Variants in SYNGR2 observed in about 807,000 individuals in gnomAD.
SYNGR2 encodes the protein synaptogyrin 2, also known as synaptogyrin-2.
In SYNGR2, 11 loss-of-function variants were observed where a neutral mutation model predicts 18.7. The ratio of observed to expected loss-of-function variants is 0.59; its 90% confidence interval spans 0.37 to 0.97. The LOEUF (loss-of-function observed/expected upper bound fraction) is 0.97. SYNGR2 is among the 50% of genes least tolerant of loss of function. SYNGR2 has a pLI of 0.01. For synonymous variants in SYNGR2, 127 were observed against 131.0 expected, an observed-to-expected ratio of 0.97 and a Z score of 0.21; for missense variants, 253 against 300.7, an observed-to-expected ratio of 0.84 and a Z score of 1.17.
rs536332596 is a variant in SYNGR2, at chr17:78,172,214, G to A, written c.*278G>A. The stretch of plus-strand genomic sequence containing the variant: ...CCTCGCTTTTAATGACCTCAGCCCC[G>A]CCTGCAGTGGCTAGAAGCCAGCAGG... On this transcript the variant is annotated 3_prime_UTR_variant, in exon 4 of 4. Transcript: ENST00000225777. 5.8e-5 allele frequency: 39 copies of A among 669,374 alleles called. No individual in the cohort carries two copies. Among genetic ancestry groups the A allele is most frequent in the African/African-American group, 4.7e-4 (26 of 55,422 alleles). The allele number at this position is 669,374 out of a possible 1,614,324, so 41.5% of individuals were successfully genotyped here. A position where few individuals can be genotyped will look rare whatever the true frequency, so the allele number is the denominator to read the frequency against.
At chr17:78,169,424 C>G (rs2075643733) in intron 1 of SYNGR2, among the ~76,000 whole-genome samples, 1 of 152,174 alleles carries the variant, frequency 6.6e-6, no homozygotes, top group African/African-American at 2.4e-5. Flanking sequence ...AGCTCCCAGC[C>G]AGGCTGTGGG....
At chr17:78,170,528 A>G (rs1567826641) in intron 1 of SYNGR2, 2 of 372,156 alleles carry the variant, frequency 5.4e-6, no homozygotes, top group Non-Finnish European at 1.0e-5. Flanking sequence ...GTGAAACCCT[A>G]TCTCTACTAA....
Position 78,168,685 on chromosome 17 carries a change from GC to G in SYNGR2, c.71del (p.Pro24ArgfsTer14). 9.1e-6 allele frequency: 11 copies of G among 1,203,382 alleles called. No homozygotes were observed. Among genetic ancestry groups the G allele is most frequent in the Non-Finnish European group, 1.1e-5 (11 of 969,548 alleles). The allele number at this position is 1,203,382 out of a possible 1,614,324, so 74.5% of individuals were successfully genotyped here. On this transcript the variant is annotated frameshift_variant, in exon 1 of 4. Coordinates refer to ENST00000225777, the MANE Select transcript of SYNGR2 (RefSeq NM_004710.7). LOFTEE classifies it high-confidence loss of function. The part of the protein sequence containing the change: ...SFDLRRFLTQ[P>X]QVVARAVCLV... Reference sequence around the variant, plus strand: ...TCGACCTGCGGCGCTTCCTGACGCAGCCGCAGGTGGTGGCGCGCGCCGTGTG... The same window carrying G: ...TCGACCTGCGGCGCTTCCTGACGCAGCGCAGGTGGTGGCGCGCGCCGTGTG...
rs370246588 is a variant in SYNGR2, at chr17:78,170,951, C to T, written c.234C>T (p.Ala78=). ...CRYGSAIGVL[A]FLASAFFLVV... ...ATGGCAGTGCCATCGGGGTGCTGGC[C>T]TTCCTGGCCTCGGCCTTCTTCTTGG... The change falls in exon 2 of 4, where the codon GCC becomes GCT. Residue 78 remains alanine (A), a synonymous_variant. Coordinates refer to ENST00000225777, the MANE Select transcript of SYNGR2 (RefSeq NM_004710.7). 101 of 1,613,360 alleles carry T rather than the reference C, an allele frequency of 6.3e-5. No homozygotes were observed. The East Asian group carries it at 1.6e-3, about 25-fold the overall frequency.
At chr17:78,169,704 G>C (rs2075645555) in intron 1 of SYNGR2, 1 of 152,422 alleles carries the variant, frequency 6.6e-6, no homozygotes, top group Admixed American at 6.5e-5. Flanking sequence ...TGCTGAGGTG[G>C]AGCAGGCGTG....
rs2145817759 is a variant in SYNGR2, at chr17:78,172,359, A to C, written c.*423A>C. On this transcript the variant is annotated 3_prime_UTR_variant, in exon 4 of 4. Coordinates refer to ENST00000225777, the MANE Select transcript of SYNGR2 (RefSeq NM_004710.7). ...GGGGGCCATCACACCTGCCCTGTGC[A>C]GCGGAGCCGGACCAGGCTCTTGTGT... 3.1e-6 allele frequency: 1 copy of C among 324,806 alleles called. No homozygotes were observed. The highest frequency in any genetic ancestry group is 5.6e-5 in the South Asian group (1 of 17,752). The allele number at this position is 324,806 out of a possible 1,614,324, so 20.1% of individuals were successfully genotyped here.
rs1459636547 is a variant in SYNGR2 at position 78,172,157 on chromosome 17, C to G, written c.*221C>G. 1.8e-6 allele frequency: 2 copies of G among 1,122,460 alleles called. No individual in the cohort carries two copies. Among genetic ancestry groups the G allele is most frequent in the East Asian group, 5.2e-5 (2 of 38,370 alleles). 69.5% of individuals were successfully genotyped at this position (1,122,460 alleles called of 1,614,324 possible). A position where few individuals can be genotyped will look rare whatever the true frequency, so the allele number is the denominator to read the frequency against. On this transcript the variant is annotated 3_prime_UTR_variant, in exon 4 of 4. Coordinates refer to ENST00000225777, the MANE Select transcript of SYNGR2 (RefSeq NM_004710.7). ...GTCAGCCGCTCACTCCTCCAGGGCA[C>G]TTTTAGGAAAGGGTTTTTAGCTAGT...
rs2075634898 is a variant in SYNGR2, at chr17:78,168,593, G to T, written c.-24G>T. ...GGCAGGTTCCTCTGCGTTCCGCGGC[G>T]GCGGCAGCGGCGGCGACGGCGACAT... is the stretch of plus-strand genomic sequence containing the variant. On this transcript the variant is annotated 5_prime_UTR_variant, in exon 1 of 4. Coordinates refer to ENST00000225777, the MANE Select transcript of SYNGR2 (RefSeq NM_004710.7). The T allele has an allele frequency of 8.5e-7, 1 of 1,179,028 alleles. No homozygotes were observed. The highest frequency in any genetic ancestry group is 4.2e-5 in the South Asian group (1 of 23,638). 73.0% of individuals were successfully genotyped at this position (1,179,028 alleles called of 1,614,324 possible).
intron 1 of SYNGR2, chr17:78,170,495 T>A (rs1057334103): frequency 1.0e-5 from 3 of 290,202 alleles, no homozygotes; most frequent in African/African-American, 6.5e-5. Context: ...GGTCAGGAGT[T>A]CCAGACCAGC....
rs568224618 is a variant in SYNGR2, at chr17:78,172,471, G to A, written c.*535G>A. 11 of 166,306 alleles carry A rather than the reference G, an allele frequency of 6.6e-5. No homozygotes were observed. The highest frequency in any genetic ancestry group is 1.3e-4 in the Non-Finnish European group (10 of 77,398). 10.3% of individuals were successfully genotyped at this position (166,306 alleles called of 1,614,324 possible). Reference sequence around the variant, plus strand: ...GCCGGTGGCCTCTGGGCTGCCTCCCGTGGTGTGAGGGCGGGGCTGGTGCTC... The same window carrying A: ...GCCGGTGGCCTCTGGGCTGCCTCCCATGGTGTGAGGGCGGGGCTGGTGCTC... On this transcript the variant is annotated 3_prime_UTR_variant, in exon 4 of 4. Transcript: ENST00000225777.
chr17:78,171,525 T>C lies in SYNGR2; in HGVS notation c.353T>C (p.Leu118Pro). Residue 118 changes from leucine to proline, a missense_variant, in exon 3 of 4, where the codon CTG becomes CCG. Transcript: ENST00000225777. The surrounding 1 kb of genome is among the most constrained non-coding windows in gnomAD (Gnocchi z 6.6). Reference sequence around the variant, plus strand: ...CCTCCCCCAGCTCTCTGGACCTTCCTGTGGTTTGTTGGTTTCTGCTTCCTC... The same window carrying C: ...CCTCCCCCAGCTCTCTGGACCTTCCCGTGGTTTGTTGGTTTCTGCTTCCTC... ...DLLFSALWTFLWFVGFCFLTN... is the reference protein window; with the variant it reads ...DLLFSALWTFPWFVGFCFLTN... 6.6e-7 allele frequency: 1 copy of C among 1,526,050 alleles called. No homozygotes were observed. The highest frequency in any genetic ancestry group is 8.8e-7 in the Non-Finnish European group (1 of 1,137,446). The allele number at this position is 1,526,050 out of a possible 1,614,324, so 94.5% of individuals were successfully genotyped here.
Position 78,172,285 on chromosome 17 carries a change from G to A in SYNGR2, c.*349G>A. The A allele has an allele frequency of 1.9e-6, 1 of 519,078 alleles. No homozygotes were observed. Among genetic ancestry groups the A allele is most frequent in the Non-Finnish European group, 3.4e-6 (1 of 293,428 alleles). The allele number at this position is 519,078 out of a possible 1,614,324, so 32.2% of individuals were successfully genotyped here. ...GTGCCTCAGCTTCCCCCCGGCCCGG[G>A]TCAGGCCGTGGGAGCCGCTATTATC... is the stretch of plus-strand genomic sequence containing the variant. On this transcript the variant is annotated 3_prime_UTR_variant, in exon 4 of 4. Coordinates refer to ENST00000225777, the MANE Select transcript of SYNGR2 (RefSeq NM_004710.7).
rs2145816857 is a variant in SYNGR2, at chr17:78,171,807, T to C, written c.546T>C (p.Val182=). ...TGGACGACTTCATCCAGAATTACGT[T>C]GACCCCACTCCGGACCCCAACACTG... ...AGVDDFIQNY[V]DPTPDPNTAY... is the part of the protein sequence containing the mutation. Residue 182 remains valine, a synonymous_variant, in exon 4 of 4, where the codon GTT becomes GTC. Transcript: ENST00000225777. This position sits in a 1 kb window ranked among gnomAD's most constrained non-coding sequence, Gnocchi z 6.6. 2 of 1,614,060 alleles carry C rather than the reference T, an allele frequency of 1.2e-6. No individual in the cohort carries two copies. Among genetic ancestry groups the C allele is most frequent in the Non-Finnish European group, 1.7e-6 (2 of 1,179,990 alleles).
upstream of SYNGR2, chr17:78,168,572 G>A: frequency 5.2e-6 from 6 of 1,144,456 alleles, no homozygotes; most frequent in Non-Finnish European, 6.5e-6. Flanking sequence ...GCGCCGGGCA[G>A]GTTCCTCTGC....
chr17:78,171,416 G>A lies in SYNGR2; in HGVS notation c.338-94G>A. ...CCTCCATAGTGTGGAGGCTCCCCCG[G>A]GAGGTCCCTGCCCTACCTGCCCGCG... On this transcript the variant is annotated intron_variant, in intron 2 of 3. Transcript: ENST00000225777. The surrounding 1 kb of genome is among the most constrained non-coding windows in gnomAD (Gnocchi z 6.6). 6.9e-7 allele frequency: 1 copy of A among 1,449,798 alleles called. No individual in the cohort carries two copies. Among genetic ancestry groups the A allele is most frequent in the Non-Finnish European group, 9.2e-7 (1 of 1,081,494 alleles). 89.8% of individuals were successfully genotyped at this position (1,449,798 alleles called of 1,614,324 possible).
chr17:78,168,735 G>C lies in SYNGR2; in HGVS notation c.99+20G>C. On this transcript the variant is annotated intron_variant, in intron 1 of 3. Transcript: ENST00000225777. ...TGCTTGGTGAGCCCGGGGAGGGCGGGCCGAGGGCACCCTGGGGACCCCCTC... is the reference window on the plus strand; with the variant it reads ...TGCTTGGTGAGCCCGGGGAGGGCGGCCCGAGGGCACCCTGGGGACCCCCTC... 1 of 1,194,124 alleles carries C rather than the reference G, an allele frequency of 8.4e-7. No homozygotes were observed. The highest frequency in any genetic ancestry group is 1.0e-6 in the Non-Finnish European group (1 of 963,726). 74.0% of individuals were successfully genotyped at this position (1,194,124 alleles called of 1,614,324 possible).
chr17:78,169,265 T>TGGGGG lies in SYNGR2; in HGVS notation c.99+551_99+552insGGGGG, dbSNP rs1199152774. The TGGGGG allele has an allele frequency of 2.9e-5, 2 of 69,058 alleles. 1 individual carries two copies. Among genetic ancestry groups the TGGGGG allele is most frequent in the African/African-American group, 3.6e-4 (2 of 5,542 alleles). 4.3% of individuals were successfully genotyped at this position (69,058 alleles called of 1,614,324 possible). A position where few individuals can be genotyped will look rare whatever the true frequency, so the allele number is the denominator to read the frequency against. On this transcript the variant is annotated intron_variant, in intron 1 of 3. Coordinates refer to ENST00000225777, the MANE Select transcript of SYNGR2 (RefSeq NM_004710.7). ...CCTCCAAAACCAGGTTTTGTGTGTG[T>TGGGGG]GTGTGTGTGGCGGGGAGGGGGCCTG... is the stretch of plus-strand genomic sequence containing the variant.
At chr17:78,168,576 C>A, upstream of SYNGR2, 1 of 1,150,382 alleles carries the variant, frequency 8.7e-7, no homozygotes, top group Non-Finnish European at 1.1e-6. Flanking sequence ...CGGGCAGGTT[C>A]CTCTGCGTTC....
rs1370594071 is a variant in SYNGR2 at position 78,168,688 on chromosome 17, G to A, written c.72G>A (p.Pro24=). Residue 24 remains proline, a synonymous_variant, in exon 1 of 4, where the codon CCG becomes CCA. Coordinates refer to ENST00000225777, the MANE Select transcript of SYNGR2 (RefSeq NM_004710.7). ...ACCTGCGGCGCTTCCTGACGCAGCCGCAGGTGGTGGCGCGCGCCGTGTGCT... is the reference window on the plus strand; with the variant it reads ...ACCTGCGGCGCTTCCTGACGCAGCCACAGGTGGTGGCGCGCGCCGTGTGCT... The part of the protein sequence containing the change: ...SFDLRRFLTQ[P]QVVARAVCLV... The A allele has an allele frequency of 8.3e-7, 1 of 1,202,858 alleles. No homozygotes were observed. Among genetic ancestry groups the A allele is most frequent in the Non-Finnish European group, 1.0e-6 (1 of 969,238 alleles). 74.5% of individuals were successfully genotyped at this position (1,202,858 alleles called of 1,614,324 possible). A position where few individuals can be genotyped will look rare whatever the true frequency, so the allele number is the denominator to read the frequency against.
Sources: allele counts gnomAD v4.1 joint callset (sites outside exome capture counted in the v4.1 genomes callset), GRCh38; gene constraint gnomAD v4.1.1; non-coding constraint Gnocchi (gnomAD v3.1); transcripts MANE v1.5; gene names NCBI Gene and HGNC (gene_info 2026-07-23, HGNC 2026-07-21).